LRP1B: variants seen among roughly 807,000 people sequenced by gnomAD.
The protein encoded by LRP1B is LDL receptor related protein 1B, also known as low-density lipoprotein receptor-related protein 1B.
LRP1B carries 217 observed loss-of-function variants against 556.6 expected under a neutral mutation model. The observed-to-expected ratio is 0.39, with a 90% CI of 0.35 to 0.44. The LOEUF is 0.44. Ranked by LOEUF, LRP1B falls within the 20% of genes least tolerant of loss-of-function variation. The pLI, the probability that LRP1B is intolerant of heterozygous loss-of-function variation, is 1.00. For missense variants in LRP1B, 5,053 were observed against 5,620.8 expected (o/e 0.90, Z 3.23); for synonymous variants, 2,047 against 1,865.8 (o/e 1.10, Z -2.50).
At chr2:140,811,734 CTAAGTAA>C (rs1351421577) in intron 32 of LRP1B, among the ~76,000 whole-genome samples, 9 of 151,974 alleles carry the variant, frequency 5.9e-5, no homozygotes, top group African/African-American at 2.2e-4. Flanking sequence ...TTTTCTAATA[CTAAGTAA>C]TATATTCTGT....
In LRP1B at chr2:141,495,067, A is replaced by G. The variant is rs115591087; in HGVS notation, c.206-14534T>C. ...AAAAATACAAAACTGTAACAATAGA[A>G]AGATTTTTCCGGTTATCTATGTTGT... On this transcript the variant is annotated intron_variant, in intron 2 of 90. Coordinates refer to ENST00000389484, the MANE Select transcript of LRP1B (RefSeq NM_018557.3). 2.7e-3 allele frequency among the ~76,000 whole-genome samples: 412 copies of G among 152,162 alleles called. 6 individuals carry two copies. Among genetic ancestry groups the G allele is most frequent in the African/African-American group, 9.3e-3 (388 of 41,552 alleles).
chr2:140,715,421 T>C (rs1035141909), intron 37 of LRP1B, among the ~76,000 whole-genome samples: 26 of 152,046 alleles, frequency 1.7e-4, no homozygotes, highest in African/African-American at 6.0e-4. Context: ...TGGTGGCAGA[T>C]TAAATTCGTT....
intron 43 of LRP1B, among the ~76,000 whole-genome samples, chr2:140,576,417 G>T (rs1267569641): frequency 2.6e-5 from 4 of 152,272 alleles, no homozygotes; most frequent in Admixed American, 2.6e-4. Flanking sequence ...ACTTAAAAAT[G>T]TTATCAGAAA....
In LRP1B at chr2:140,617,479, T is replaced by C. The variant is rs181327264; in HGVS notation, c.6800-15840A>G. Among the ~76,000 whole-genome samples, 44 of 152,100 alleles carry C rather than the reference T, an allele frequency of 2.9e-4. 1 individual carries two copies. Among genetic ancestry groups the C allele is most frequent in the Admixed American group, 1.8e-3 (27 of 15,262 alleles). ...TGCAGTATTTCTTTCTCAGAGACTA[T>C]TTTTAATAGCAAAAGTGGTAAGAAA... On this transcript the variant is annotated intron_variant, in intron 41 of 90. Coordinates refer to ENST00000389484, the MANE Select transcript of LRP1B (RefSeq NM_018557.3).
At chr2:140,427,339 C>A (rs193094061) in intron 66 of LRP1B, among the ~76,000 whole-genome samples, 14 of 152,246 alleles carry the variant, frequency 9.2e-5, no homozygotes, top group African/African-American at 3.1e-4. Context: ...CTCCCCACCC[C>A]CCTTCTCCGT....
intron 25 of LRP1B, among the ~76,000 whole-genome samples, chr2:140,882,776 TG>T (rs1261333750): frequency 6.6e-6 from 1 of 152,188 alleles, no homozygotes; most frequent in Non-Finnish European, 1.5e-5. Context: ...AGACATCGCC[TG>T]GCTTTTCTCT....
intron 12 of LRP1B, among the ~76,000 whole-genome samples, chr2:141,016,412 T>C (rs1697901932): frequency 6.6e-6 from 1 of 152,140 alleles, no homozygotes; most frequent in Non-Finnish European, 1.5e-5. Flanking sequence ...GTAATTGGAC[T>C]GACTTTGTTC....
chr2:141,156,354 C>T (rs1027492796), intron 7 of LRP1B, among the ~76,000 whole-genome samples: 3 of 152,062 alleles, frequency 2.0e-5, no homozygotes, highest in Non-Finnish European at 4.4e-5. Flanking sequence ...ACTGGCCAGG[C>T]GCATTAGCTC....
At chr2:141,972,063 T>C (rs1038599737) in intron 1 of LRP1B, among the ~76,000 whole-genome samples, 2 of 151,616 alleles carry the variant, frequency 1.3e-5, no homozygotes, top group African/African-American at 2.4e-5. Context: ...ATGTTTTGAA[T>C]GCTGGAACAT....
chr2:140,640,143 C>T (rs1684226792), intron 41 of LRP1B, among the ~76,000 whole-genome samples: 2 of 151,472 alleles, frequency 1.3e-5, no homozygotes, highest in African/African-American at 4.8e-5. Context: ...GCTGGGACTA[C>T]GGGCGCCCGC....
At chr2:140,759,485 A>G (rs1021873797) in intron 35 of LRP1B, among the ~76,000 whole-genome samples, 4 of 152,172 alleles carry the variant, frequency 2.6e-5, no homozygotes, top group African/African-American at 9.7e-5. Context: ...GACTAATGAA[A>G]CTAGTTTTAT....
At chr2:140,539,288 G>A (rs1362502329) in intron 45 of LRP1B, among the ~76,000 whole-genome samples, 1 of 152,068 alleles carries the variant, frequency 6.6e-6, no homozygotes, top group African/African-American at 2.4e-5. Context: ...ACACAGATGT[G>A]CCAGAAACAT....
At chr2:140,992,035 G>T (rs931271549) in intron 16 of LRP1B, among the ~76,000 whole-genome samples, 1 of 152,034 alleles carries the variant, frequency 6.6e-6, no homozygotes, top group African/African-American at 2.4e-5. Flanking sequence ...TGAAAATAGT[G>T]TGGAAAGTGG....
intron 7 of LRP1B, among the ~76,000 whole-genome samples, chr2:141,091,416 A>G (rs1035505779): frequency 6.6e-6 from 1 of 152,206 alleles, no homozygotes; most frequent in Non-Finnish European, 1.5e-5. Flanking sequence ...AAAAACAACA[A>G]CAACAACAAA....
intron 1 of LRP1B, among the ~76,000 whole-genome samples, chr2:142,044,689 C>G (rs544351664): frequency 6.6e-6 from 1 of 151,760 alleles, no homozygotes; most frequent in South Asian, 2.1e-4. Context: ...ATTCTTTTCT[C>G]TTTATGACTA....
At chr2:141,822,126 C>G (rs865835008) in intron 1 of LRP1B, among the ~76,000 whole-genome samples, 30,171 of 109,684 alleles carry the variant, frequency 0.28, 3,946 homozygotes, top group African/African-American at 0.38. Flanking sequence ...CACACACACA[C>G]ACACAGAGAG....
intron 3 of LRP1B, among the ~76,000 whole-genome samples, chr2:141,324,194 A>G (rs1468771452): frequency 6.9e-6 from 1 of 145,630 alleles, no homozygotes; most frequent in Non-Finnish European, 1.6e-5. Context: ...ACACACACAT[A>G]CACACATACC....
chr2:140,664,930 A>G (rs955415454), intron 41 of LRP1B, among the ~76,000 whole-genome samples: 11 of 152,158 alleles, frequency 7.2e-5, no homozygotes, highest in African/African-American at 2.4e-4. Flanking sequence ...ATATTGTTTC[A>G]TTTCACTATA....
chr2:140,613,670 C>A (rs1257469970), intron 41 of LRP1B, among the ~76,000 whole-genome samples: 1 of 151,692 alleles, frequency 6.6e-6, no homozygotes, highest in East Asian at 1.9e-4. Flanking sequence ...TTAATCCACT[C>A]TTCTCTGCCC....
Sources: gnomAD v4.1 joint callset for allele counts (sites outside exome capture counted in the v4.1 genomes callset) on GRCh38, gnomAD v4.1.1 for gene constraint, MANE v1.5 for transcripts, NCBI Gene and HGNC (gene_info 2026-07-23, HGNC 2026-07-21) for gene names.